EYS: variants seen among roughly 807,000 people sequenced by gnomAD.
The protein encoded by EYS is protein eyes shut homolog.
In EYS, 250 loss-of-function variants were observed where a neutral mutation model predicts 282.1. The ratio of observed to expected loss-of-function variants is 0.89; its 90% CI spans 0.80 to 0.98. EYS has a LOEUF of 0.98. Among genes scored for constraint, EYS ranks in the 50% least tolerant of loss-of-function variants. The probability of loss-of-function intolerance (pLI) is 0.00; values close to 1 mark genes in which losing one functional copy is unlikely to be tolerated. For synonymous variants in EYS, 1,355 were observed against 1,282.9 expected (o/e 1.06, Z -1.20); for missense variants, 4,016 against 3,709.0 (o/e 1.08, Z -2.15).
At chr6:64,743,075 T>C (rs1772429660) in intron 22 of EYS, among the ~76,000 whole-genome samples, 2 of 152,136 alleles carry the variant, frequency 1.3e-5, no homozygotes, top group African/African-American at 4.8e-5. Context: ...ATGACCTCAT[T>C]TGAATTATCT....
intron 19 of EYS, among the ~76,000 whole-genome samples, chr6:64,862,466 A>C (rs1766279700): frequency 6.6e-6 from 1 of 152,030 alleles, no homozygotes; most frequent in South Asian, 2.1e-4. Context: ...AATATTTCTA[A>C]ATTTTCCATT....
chr6:65,167,513 T>G (rs1319700524), intron 12 of EYS, among the ~76,000 whole-genome samples: 4 of 151,280 alleles, frequency 2.6e-5, no homozygotes, highest in Non-Finnish European at 4.4e-5. Flanking sequence ...TCACTTTCTC[T>G]TTGGTTTTCT....
Position 64,131,760 on chromosome 6 carries a change from C to T in EYS, c.6425-49758G>A, listed in dbSNP as rs192365873. ...GGAAGTAGATTGAAAAGCATGGATT[C>T]GATTTTCAGCCGGGAGACTCTTGCT... is the stretch of plus-strand genomic sequence containing the variant. On this transcript the variant is annotated intron_variant, in intron 31 of 42. Transcript: ENST00000503581. Among the ~76,000 whole-genome samples, 263 of 152,196 alleles carry T rather than the reference C, an allele frequency of 1.7e-3. 1 individual carries two copies. The Middle Eastern group carries it at 0.031, about 18-fold the overall frequency.
intron 12 of EYS, among the ~76,000 whole-genome samples, chr6:65,295,305 T>G (rs1267455718): frequency 6.6e-6 from 1 of 151,952 alleles, no homozygotes; most frequent in Non-Finnish European, 1.5e-5. Flanking sequence ...TTTGAATGCT[T>G]AATTTCTGAT....
chr6:65,272,548 C>T (rs1301246141), intron 12 of EYS, among the ~76,000 whole-genome samples: 1 of 152,102 alleles, frequency 6.6e-6, no homozygotes, highest in East Asian at 1.9e-4. Context: ...ATTCCAAAAA[C>T]CCCAGAACCA....
intron 10 of EYS, among the ~76,000 whole-genome samples, chr6:65,341,241 A>C (rs1450804563): frequency 2.0e-5 from 3 of 151,158 alleles, no homozygotes; most frequent in African/African-American, 7.3e-5. Context: ...TCTTCTAAAC[A>C]GTCTTAGTTG....
At chr6:64,432,459 A>C (rs916798705) in intron 28 of EYS, among the ~76,000 whole-genome samples, 21 of 151,806 alleles carry the variant, frequency 1.4e-4, no homozygotes, top group Middle Eastern at 3.4e-3. Flanking sequence ...GTGACTTTAA[A>C]TGGAAAAAGG....
intron 39 of EYS, 32 bp downstream of exon 39, chr6:63,788,073 T>C (rs994882544): frequency 4.8e-6 from 7 of 1,454,470 alleles, no homozygotes; most frequent in African/African-American, 2.9e-5. Flanking sequence ...TTGAAATAAG[T>C]AGGTATAATA....
At chr6:64,952,119 C>A (rs1408123511) in intron 14 of EYS, among the ~76,000 whole-genome samples, 1 of 151,894 alleles carries the variant, frequency 6.6e-6, no homozygotes, top group Non-Finnish European at 1.5e-5. Context: ...AACTTACTCC[C>A]CAGTATCAGA....
Position 65,344,131 on chromosome 6 carries a change from A to ATC in EYS, c.1505_1506insGA (p.Phe502LeufsTer14). ...CATCTTCAGTGCAGTTTGCAGCCAG[A>ATC]AAGAAATAGGCATCAATAACCCCTT... On this transcript the variant is annotated frameshift_variant, in exon 10 of 43. Transcript: ENST00000503581. LOFTEE classifies it high-confidence loss of function. 2.5e-6 allele frequency: 4 copies of ATC among 1,610,710 alleles called. No homozygotes were observed. Among genetic ancestry groups the ATC allele is most frequent in the African/African-American group, 1.3e-5 (1 of 74,814 alleles).
chr6:65,105,416 G>A (rs1448669525), intron 12 of EYS, among the ~76,000 whole-genome samples: 12 of 151,634 alleles, frequency 7.9e-5, no homozygotes, highest in Non-Finnish European at 1.8e-4. Context: ...ATACACACAC[G>A]TACACACATA....
chr6:65,093,451 AAT>A (rs1206105828), intron 12 of EYS, among the ~76,000 whole-genome samples: 1 of 151,992 alleles, frequency 6.6e-6, no homozygotes, highest in Non-Finnish European at 1.5e-5. Context: ...TAACCACAAA[AAT>A]ATGTTAATGT....
intron 26 of EYS, among the ~76,000 whole-genome samples, chr6:64,506,063 T>C (rs1329560792): frequency 6.6e-6 from 1 of 152,158 alleles, no homozygotes; most frequent in East Asian, 1.9e-4. Context: ...CCTGAAAATC[T>C]TACTTCCTCA....
chr6:65,697,981 G>T (rs1378710052), intron 1 of EYS, among the ~76,000 whole-genome samples: 1 of 152,126 alleles, frequency 6.6e-6, no homozygotes, highest in Non-Finnish European at 1.5e-5. Flanking sequence ...ATTTCACAAA[G>T]AGTGGCTTAA....
At chr6:64,750,394 A>C (rs1475198047) in intron 22 of EYS, among the ~76,000 whole-genome samples, 3 of 145,182 alleles carry the variant, frequency 2.1e-5, no homozygotes, top group Non-Finnish European at 3.0e-5. Flanking sequence ...TGAGAGTAGT[A>C]ATTTTACAGC....
intron 12 of EYS, among the ~76,000 whole-genome samples, chr6:65,090,924 A>G (rs554977314): frequency 6.6e-6 from 1 of 152,206 alleles, no homozygotes. Flanking sequence ...AGGGCCTAGA[A>G]CACAGTAAAT....
At chr6:65,350,843 A>C (rs572023347) in intron 9 of EYS, among the ~76,000 whole-genome samples, 1 of 151,792 alleles carries the variant, frequency 6.6e-6, no homozygotes, top group East Asian at 1.9e-4. Flanking sequence ...GAGCAATCAT[A>C]TTGGCAAGAA....
In EYS at chr6:64,862,486, C is replaced by A. The variant is rs529186191; in HGVS notation, c.2992+24211G>T. On this transcript the variant is annotated intron_variant, in intron 19 of 42. Coordinates refer to ENST00000503581, the MANE Select transcript of EYS (RefSeq NM_001142800.2). ...TTCTAAATTTTCCATTTGACTCTTT[C>A]TTATTCCTACATTTCTGCTATAATT... Among the ~76,000 whole-genome samples, 3 of 152,188 alleles carry A rather than the reference C, an allele frequency of 2.0e-5. No homozygotes were observed. In the South Asian group the frequency reaches 6.2e-4, roughly 32 times the overall value.
At chr6:64,460,891 T>A (rs4288188) in intron 26 of EYS, among the ~76,000 whole-genome samples, 58,984 of 152,034 alleles carry the variant, frequency 0.39, 12,410 homozygotes, top group African/African-American at 0.57. Context: ...TTCTACTATT[T>A]ACCAGCAGCT....
Sources: gnomAD v4.1 joint callset for allele counts (sites outside exome capture counted in the v4.1 genomes callset) on GRCh38, gnomAD v4.1.1 for gene constraint, MANE v1.5 for transcripts, NCBI Gene and HGNC (gene_info 2026-07-23, HGNC 2026-07-21) for gene names.